The following ZBTB41 variants were observed in gnomAD, a reference collection of about 807,000 sequenced individuals.
ZBTB41 encodes the protein zinc finger and BTB domain-containing protein 41.
A neutral mutation model predicts 87.6 loss-of-function variants in ZBTB41; 42 were observed. The ratio of observed to expected loss-of-function variants is 0.48; its 90% CI spans 0.37 to 0.62. The LOEUF (loss-of-function observed/expected upper bound fraction) is 0.62, where lower values mean the gene tolerates loss of function less well. ZBTB41 is among the 20% of genes least tolerant of loss of function. The probability of loss-of-function intolerance (pLI) is 0.00; values close to 1 mark genes in which losing one functional copy is unlikely to be tolerated. For synonymous variants in ZBTB41, 364 were observed against 364.0 expected (o/e 1.00, Z 0.00); for missense variants, 799 against 1,078.9 (o/e 0.74, Z 3.63).
chr1:197,192,832 T>C (rs1660068692), intron 2 of ZBTB41, among the ~76,000 whole-genome samples: 1 of 152,070 alleles, frequency 6.6e-6, no homozygotes, highest in African/African-American at 2.4e-5. Flanking sequence ...TGAGGAAAGA[T>C]ATAATCATAA....
At chr1:197,180,853 T>A (rs1245245637) in intron 6 of ZBTB41, 135 bp downstream of exon 6, 2 of 983,980 alleles carry the variant, frequency 2.0e-6, no homozygotes, top group East Asian at 2.9e-5. Flanking sequence ...AATTCCTTTT[T>A]TCCTTATATT....
At chr1:197,163,576 A>T (rs1659248531) in intron 10 of ZBTB41, among the ~76,000 whole-genome samples, 1 of 151,884 alleles carries the variant, frequency 6.6e-6, no homozygotes, top group East Asian at 1.9e-4. Flanking sequence ...AATCTTCCTA[A>T]ATAAAAGAAA....
chr1:197,191,461 A>C (rs1241377709), intron 3 of ZBTB41, among the ~76,000 whole-genome samples: 11 of 149,450 alleles, frequency 7.4e-5, no homozygotes, highest in African/African-American at 2.4e-4. Context: ...TACTTCAAAA[A>C]AAAAAAAAAA....
chr1:197,182,931 T>C (rs546280252), intron 5 of ZBTB41, among the ~76,000 whole-genome samples: 37 of 152,148 alleles, frequency 2.4e-4, no homozygotes, highest in Non-Finnish European at 4.9e-4. Flanking sequence ...TTGTGATATA[T>C]ACCAAACTGC....
Position 197,199,740 on chromosome 1 carries a change from T to G in ZBTB41, c.734A>C (p.Glu245Ala), listed in dbSNP as rs1349875866. ...LGKKHGLKML[E>A]RSFSARRSKR... ...TGATCTTCTTGCGGAGAAACTTCTC[T>G]CCAGCATTTTTAACCCATGTTTTTT... The change falls in exon 2 of 11, where the codon GAG (glutamate) becomes GCG (alanine). Residue 245 changes from glutamate (E) to alanine (A), a missense_variant. Coordinates refer to ENST00000367405, the MANE Select transcript of ZBTB41 (RefSeq NM_194314.3). 7 of 1,613,420 alleles carry G rather than the reference T, an allele frequency of 4.3e-6. No individual in the cohort carries two copies. The Admixed American group carries it at 1.2e-4, about 27-fold the overall frequency.
rs990696741 is a variant in ZBTB41, at chr1:197,165,605, A to G, written c.2075-5591T>C. On this transcript the variant is annotated intron_variant, in intron 10 of 10. Coordinates refer to ENST00000367405, the MANE Select transcript of ZBTB41 (RefSeq NM_194314.3). Reference sequence around the variant, plus strand: ...AGCCTGGGTGACAGAGCGAGACTCTATCTCAAAAAAAAAACAAAAAAAACA... The same window carrying G: ...AGCCTGGGTGACAGAGCGAGACTCTGTCTCAAAAAAAAAACAAAAAAAACA... 9.9e-5 allele frequency among the ~76,000 whole-genome samples: 15 copies of G among 151,358 alleles called. No individual in the cohort carries two copies. In the East Asian group the frequency reaches 2.7e-3, roughly 28 times the overall value.
rs1202525890 is a variant in ZBTB41 at position 197,191,676 on chromosome 1, G to T, written c.1328+16C>A. 3 of 1,596,356 alleles carry T rather than the reference G, an allele frequency of 1.9e-6. No homozygotes were observed. The highest frequency in any genetic ancestry group is 3.4e-5 in the Admixed American group (2 of 58,548). ...AGGCACAATAAAGTATATTATGGAA[G>T]CAAGATAATACTTGCCTCTTAACAT... On this transcript the variant is annotated intron_variant, in intron 3 of 10. Coordinates refer to ENST00000367405, the MANE Select transcript of ZBTB41 (RefSeq NM_194314.3).
At chr1:197,190,575 C>A (rs1234182382) in intron 4 of ZBTB41, among the ~76,000 whole-genome samples, 187 bp downstream of exon 4, 1 of 152,034 alleles carries the variant, frequency 6.6e-6, no homozygotes, top group African/African-American at 2.4e-5. Context: ...TGTTTAGGTC[C>A]ATCATCTAAA....
Position 197,199,727 on chromosome 1 carries a change from G to A in ZBTB41, c.747C>T (p.Ser249=), listed in dbSNP as rs774434938. The A allele has an allele frequency of 1.5e-5, 25 of 1,613,194 alleles. No individual in the cohort carries two copies. Among genetic ancestry groups the A allele is most frequent in the South Asian group, 1.4e-4 (13 of 90,920 alleles). The change falls in exon 2 of 11, where the codon TCC becomes TCT. Residue 249 remains serine, a synonymous_variant. Transcript: ENST00000367405. The part of the protein sequence containing the change: ...HGLKMLERSF[S]ARRSKRNRKC... ...TCCGATTCCTTTTTGATCTTCTTGC[G>A]GAGAAACTTCTCTCCAGCATTTTTA...
chr1:197,188,293 C>G lies in ZBTB41; in HGVS notation c.1545G>C (p.Leu515=). 1 of 1,612,330 alleles carries G rather than the reference C, an allele frequency of 6.2e-7. No individual in the cohort carries two copies. The highest frequency in any genetic ancestry group is 2.2e-5 in the East Asian group (1 of 44,790). ...ARLKHQEKFH[L]GPFPCDICGR... ...CTTAAGAAAAAGTAACTTGCTTACC[C>G]AGATGGAACTTTTCTTGATGCTTTA... Residue 515 remains leucine (L), a splice_region_variant and synonymous_variant, in exon 5 of 11, where the codon CTG becomes CTC. Transcript: ENST00000367405.
chr1:197,185,014 A>C (rs1481163512), intron 5 of ZBTB41, among the ~76,000 whole-genome samples: 1 of 152,068 alleles, frequency 6.6e-6, no homozygotes, highest in Non-Finnish European at 1.5e-5. Flanking sequence ...AGGTTTCTCC[A>C]TGTTGGTCAG....
chr1:197,172,906 C>T (rs1206765323), intron 9 of ZBTB41, among the ~76,000 whole-genome samples: 5 of 151,882 alleles, frequency 3.3e-5, no homozygotes, highest in Non-Finnish European at 7.4e-5. Flanking sequence ...AAATTTTATA[C>T]CTAAATTTAA....
At chr1:197,192,516 T>C (rs1040780871) in intron 2 of ZBTB41, among the ~76,000 whole-genome samples, 1 of 152,248 alleles carries the variant, frequency 6.6e-6, no homozygotes, top group African/African-American at 2.4e-5. Context: ...TATCAATTAC[T>C]GTTGTCTATT....
At chr1:197,174,131 T>C (rs1285039104) in intron 9 of ZBTB41, among the ~76,000 whole-genome samples, 1 of 152,092 alleles carries the variant, frequency 6.6e-6, no homozygotes, top group Admixed American at 6.6e-5. Context: ...GCTAAGACCC[T>C]ATGAAAATAT....
chr1:197,188,171 TA>T, intron 5 of ZBTB41, 120 bp downstream of exon 5: 3 of 1,215,116 alleles, frequency 2.5e-6, no homozygotes, highest in Non-Finnish European at 3.5e-6. Context: ...GCTGTGAACC[TA>T]AAACCACTCT....
rs1230003583 is a variant in ZBTB41 at position 197,157,278 on chromosome 1, T to C, written c.*2081A>G. ...CAATGTGAAAATGCAGTATCTTCTT[T>C]TTCTGCCACCAAATGTATAATATAC... is the stretch of plus-strand genomic sequence containing the variant. On this transcript the variant is annotated 3_prime_UTR_variant, in exon 11 of 11. Transcript: ENST00000367405. The C allele has an allele frequency of 6.6e-6, 1 of 152,050 alleles. No homozygotes were observed. The highest frequency in any genetic ancestry group is 1.5e-5 in the Non-Finnish European group (1 of 67,702). The allele number at this position is 152,050 out of a possible 1,614,324, so 9.4% of individuals were successfully genotyped here.
chr1:197,176,449 G>A, intron 8 of ZBTB41, 115 bp downstream of exon 8: 1 of 675,068 alleles, frequency 1.5e-6, no homozygotes, highest in Non-Finnish European at 2.5e-6. Flanking sequence ...ACAAAGAAGT[G>A]ATGAGCATAA....
At chr1:197,179,836 G>T (rs1425267227) in intron 6 of ZBTB41, among the ~76,000 whole-genome samples, 2 of 152,058 alleles carry the variant, frequency 1.3e-5, no homozygotes, top group African/African-American at 4.8e-5. Context: ...TGTACAATGT[G>T]TGTTTTAAGC....
intron 3 of ZBTB41, 76 bp from the exon 4 acceptor site, chr1:197,190,907 C>T: frequency 2.2e-6 from 2 of 914,548 alleles, no homozygotes; most frequent in Non-Finnish European, 1.7e-6. Flanking sequence ...AATATGTTGA[C>T]AGTAATTACC....
Sources: gnomAD v4.1 joint callset for allele counts (sites outside exome capture counted in the v4.1 genomes callset) on GRCh38, gnomAD v4.1.1 for gene constraint, MANE v1.5 for transcripts, NCBI Gene and HGNC (gene_info 2026-07-23, HGNC 2026-07-21) for gene names.